Variants in SPON1 observed in about 807,000 individuals in gnomAD.
The protein encoded by SPON1 is spondin-1.
Under a neutral mutation model 111.7 loss-of-function variants are expected in SPON1, and 52 were observed. The ratio of observed to expected loss-of-function variants is 0.47; its 90% CI spans 0.37 to 0.59. The LOEUF (loss-of-function observed/expected upper bound fraction) is 0.59, where lower values mean the gene tolerates loss of function less well. Ranked by LOEUF, SPON1 falls within the 20% of genes least tolerant of loss-of-function variation. The pLI is 0.00. For missense variants in SPON1, 957 were observed against 1,068.5 expected (o/e 0.90, Z 1.46); for synonymous variants, 410 against 395.8 (o/e 1.04, Z -0.43).
chr11:14,031,436 C>T (rs888979261), intron 2 of SPON1, among the ~76,000 whole-genome samples: 2 of 152,046 alleles, frequency 1.3e-5, no homozygotes, highest in Non-Finnish European at 2.9e-5. Flanking sequence ...GAAGAGAGGC[C>T]ACTGACAAAA....
At chr11:14,089,404 T>C (rs1554923043) in intron 5 of SPON1, among the ~76,000 whole-genome samples, 1 of 152,218 alleles carries the variant, frequency 6.6e-6, no homozygotes, top group Non-Finnish European at 1.5e-5. Flanking sequence ...TCTGCAGGTA[T>C]GCTGCAGTTT....
chr11:14,240,665 A>G (rs1848915879), intron 6 of SPON1, among the ~76,000 whole-genome samples: 1 of 151,540 alleles, frequency 6.6e-6, no homozygotes, highest in Non-Finnish European at 1.5e-5. Context: ...CAAAATCACT[A>G]TATCAGCTGG....
At chr11:14,048,670 A>G (rs543456427) in intron 3 of SPON1, among the ~76,000 whole-genome samples, 2 of 152,300 alleles carry the variant, frequency 1.3e-5, no homozygotes, top group Admixed American at 1.3e-4. Context: ...ATATGCTACA[A>G]TGCTGCAAGA....
At chr11:14,035,295 C>A (rs1407375685) in intron 2 of SPON1, among the ~76,000 whole-genome samples, 1 of 152,086 alleles carries the variant, frequency 6.6e-6, no homozygotes, top group Admixed American at 6.5e-5. Flanking sequence ...CAAGCCCTAG[C>A]TCTGCCATTC....
chr11:14,160,827 ATATATATT>A lies in SPON1; in HGVS notation c.825+25283_825+25290del, dbSNP rs1469311601. ...TTATATATATTTTTATATATATTTT[ATATATATT>A]TATATATTTATATATTTATATATAT... On this transcript the variant is annotated intron_variant, in intron 6 of 15. Coordinates refer to ENST00000576479, the MANE Select transcript of SPON1 (RefSeq NM_006108.4). Among the ~76,000 whole-genome samples the A allele has an allele frequency of 1.1e-3, 45 of 42,262 alleles. 7 individuals are homozygous for A. The highest frequency in any genetic ancestry group is 3.0e-3 in the East Asian group (3 of 1,000). 27.7% of individuals were successfully genotyped at this position (42,262 alleles called of 152,430 possible).
intron 2 of SPON1, among the ~76,000 whole-genome samples, chr11:14,000,600 G>T (rs1453605801): frequency 2.0e-5 from 3 of 152,072 alleles, no homozygotes; most frequent in Non-Finnish European, 4.4e-5. Flanking sequence ...TTTTCATCAT[G>T]AAATGACACT....
chr11:14,206,776 G>A (rs1554936232), intron 6 of SPON1, among the ~76,000 whole-genome samples: 1 of 152,102 alleles, frequency 6.6e-6, no homozygotes. Flanking sequence ...CGTGGATAGG[G>A]AAGAGTCATT....
intron 6 of SPON1, among the ~76,000 whole-genome samples, chr11:14,168,125 G>C (rs895085995): frequency 6.6e-6 from 1 of 152,090 alleles, no homozygotes; most frequent in Non-Finnish European, 1.5e-5. Context: ...AGCATAGCTA[G>C]TAGGCATGGC....
intron 5 of SPON1, among the ~76,000 whole-genome samples, chr11:14,126,007 A>G (rs1170125478): frequency 6.6e-6 from 1 of 152,196 alleles, no homozygotes; most frequent in Non-Finnish European, 1.5e-5. Flanking sequence ...GCAGGGGGAA[A>G]AAAGCAAGGT....
intron 3 of SPON1, among the ~76,000 whole-genome samples, chr11:14,069,616 T>G (rs1209756899): frequency 6.6e-6 from 1 of 152,168 alleles, no homozygotes; most frequent in Non-Finnish European, 1.5e-5. Context: ...AGCTCCTTGC[T>G]GGAAGTCATC....
chr11:14,103,526 C>T (rs1228292578), intron 5 of SPON1, among the ~76,000 whole-genome samples: 1 of 152,180 alleles, frequency 6.6e-6, no homozygotes, highest in African/African-American at 2.4e-5. Flanking sequence ...ATCCTCCCAC[C>T]ACTGGGCCAG....
intron 6 of SPON1, among the ~76,000 whole-genome samples, chr11:14,218,745 A>T (rs1432470712): frequency 6.6e-6 from 1 of 152,232 alleles, no homozygotes; most frequent in Admixed American, 6.5e-5. Context: ...GCTGTGTGAC[A>T]GTCTCATGGC....
chr11:14,225,593 G>A (rs782623037), intron 6 of SPON1, among the ~76,000 whole-genome samples: 4 of 152,088 alleles, frequency 2.6e-5, no homozygotes, highest in Non-Finnish European at 5.9e-5. Flanking sequence ...AAAAATAATC[G>A]TCGTTTTTAT....
At chr11:14,023,968 C>T (rs1171485039) in intron 2 of SPON1, among the ~76,000 whole-genome samples, 1 of 151,000 alleles carries the variant, frequency 6.6e-6, no homozygotes, top group Non-Finnish European at 1.5e-5. Context: ...GGCCACTGCA[C>T]TCCAGCCTCG....
intron 3 of SPON1, among the ~76,000 whole-genome samples, chr11:14,061,752 A>G (rs932418580): frequency 1.1e-4 from 16 of 152,356 alleles, no homozygotes; most frequent in African/African-American, 3.1e-4. Context: ...TTGCAGCTGC[A>G]GCTCCAAAAG....
At chr11:14,154,808 T>C (rs1847824616) in intron 6 of SPON1, among the ~76,000 whole-genome samples, 1 of 152,226 alleles carries the variant, frequency 6.6e-6, no homozygotes, top group Non-Finnish European at 1.5e-5. Context: ...AGGTCATTTC[T>C]TTGTTTATGC....
intron 2 of SPON1, among the ~76,000 whole-genome samples, chr11:14,001,776 T>C (rs1213700104): frequency 6.6e-6 from 1 of 151,876 alleles, no homozygotes; most frequent in African/African-American, 2.4e-5. Flanking sequence ...ACAAACATAA[T>C]AACCAAGAAC....
At chr11:13,973,988 A>G (rs1848083661) in intron 1 of SPON1, among the ~76,000 whole-genome samples, 1 of 152,230 alleles carries the variant, frequency 6.6e-6, no homozygotes, top group South Asian at 2.1e-4. Flanking sequence ...CCAGGGGAAC[A>G]GCATAATCCA....
chr11:13,995,531 C>G (rs1848265180), intron 2 of SPON1, among the ~76,000 whole-genome samples: 1 of 152,120 alleles, frequency 6.6e-6, no homozygotes. Context: ...TGAGACCTGA[C>G]TCACTTATCA....
Sources: gnomAD v4.1 joint callset for allele counts (sites outside exome capture counted in the v4.1 genomes callset) on GRCh38, gnomAD v4.1.1 for gene constraint, MANE v1.5 for transcripts, NCBI Gene and HGNC (gene_info 2026-07-23, HGNC 2026-07-21) for gene names.